The following SV2B variants were observed in gnomAD, a reference collection of about 807,000 sequenced individuals.
SV2B encodes synaptic vesicle glycoprotein 2B.
In SV2B, 41 loss-of-function variants were observed where a neutral mutation model predicts 73.9. The ratio of observed to expected loss-of-function variants is 0.56; its 90% confidence interval spans 0.43 to 0.72. The LOEUF (loss-of-function observed/expected upper bound fraction) is 0.72. Ranked by LOEUF, SV2B falls within the 30% of genes least tolerant of loss-of-function variation. The probability of loss-of-function intolerance (pLI) is 0.00; values close to 1 mark genes in which losing one functional copy is unlikely to be tolerated. For synonymous variants in SV2B, 314 were observed against 314.2 expected, an observed-to-expected ratio of 1.00 and a Z score of 0.01; for missense variants, 764 against 857.8, an observed-to-expected ratio of 0.89 and a Z score of 1.37.
intron 4 of SV2B, among the ~76,000 whole-genome samples, chr15:91,254,178 T>TCA (rs1454477402): frequency 6.6e-6 from 1 of 152,102 alleles, no homozygotes; most frequent in Non-Finnish European, 1.5e-5. Flanking sequence ...TGATATAATA[T>TCA]CATTTTCTCT....
intron 1 of SV2B, among the ~76,000 whole-genome samples, chr15:91,120,361 C>G (rs546635826): frequency 6.6e-6 from 1 of 152,154 alleles, no homozygotes; most frequent in Non-Finnish European, 1.5e-5. Context: ...CACTCACTAT[C>G]GTGAAAACAG....
chr15:91,291,625 TAAG>T (rs1333804744), intron 12 of SV2B, among the ~76,000 whole-genome samples: 12 of 152,344 alleles, frequency 7.9e-5, no homozygotes, highest in African/African-American at 2.4e-4. Context: ...ACTGTGGTCT[TAAG>T]AAGGTTAAGC....
rs2047550404 is a variant in SV2B, at chr15:91,252,993, C to T, written c.784+473C>T. Among the ~76,000 whole-genome samples, 1 of 152,138 alleles carries T rather than the reference C, an allele frequency of 6.6e-6. No homozygotes were observed. The highest frequency in any genetic ancestry group is 1.5e-5 in the Non-Finnish European group (1 of 68,026). Reference sequence around the variant, plus strand: ...CTGATGTCCCCTCAGGTGCAGTAGGCTTGTACTCTTTCTGCCCTGGTGCCT... The same window carrying T: ...CTGATGTCCCCTCAGGTGCAGTAGGTTTGTACTCTTTCTGCCCTGGTGCCT... On this transcript the variant is annotated intron_variant, in intron 4 of 12. Transcript: ENST00000394232. This position sits in a 1 kb window ranked among gnomAD's most constrained non-coding sequence, Gnocchi z 4.6.
Position 91,258,287 on chromosome 15 carries a change from G to A in SV2B, c.785-134G>A. 1 of 1,233,398 alleles carries A rather than the reference G, an allele frequency of 8.1e-7. No individual in the cohort carries two copies. The highest frequency in any genetic ancestry group is 1.7e-5 in the South Asian group (1 of 59,308). 76.4% of individuals were successfully genotyped at this position (1,233,398 alleles called of 1,614,324 possible). ...CAGAAGCTTCGGAGGCACAGCTGAG[G>A]AGTCTGCATTTTAACCACCTCCCCG... is the stretch of plus-strand genomic sequence containing the variant. On this transcript the variant is annotated intron_variant, in intron 4 of 12. Coordinates refer to ENST00000394232, the MANE Select transcript of SV2B (RefSeq NM_001323032.3). The surrounding 1 kb of genome is among the most constrained non-coding windows in gnomAD (Gnocchi z 4.7).
At position 91,145,862 on chromosome 15, in the gene SV2B, C is replaced by G. The variant is rs542685334; in HGVS notation, c.-392+45499C>G. On this transcript the variant is annotated intron_variant, in intron 1 of 12. Transcript: ENST00000394232. Reference sequence around the variant, plus strand: ...GTTTTTTTCTTATAAATTTAAGTTCCTTATAGATGCTGGATATTAGACCTT... The same window carrying G: ...GTTTTTTTCTTATAAATTTAAGTTCGTTATAGATGCTGGATATTAGACCTT... 2.0e-4 allele frequency among the ~76,000 whole-genome samples: 30 copies of G among 152,114 alleles called. 1 individual carries two copies. The South Asian group carries it at 6.2e-3, about 32-fold the overall frequency.
intron 1 of SV2B, among the ~76,000 whole-genome samples, chr15:91,175,177 A>G (rs1198898378): frequency 6.6e-6 from 1 of 152,244 alleles, no homozygotes; most frequent in Non-Finnish European, 1.5e-5. Context: ...CTAATAAAAA[A>G]ATGAAAATTT....
chr15:91,140,803 A>T lies in SV2B; in HGVS notation c.-392+40440A>T, dbSNP rs1305099156. Among the ~76,000 whole-genome samples the T allele has an allele frequency of 6.6e-6, 1 of 151,930 alleles. No individual in the cohort carries two copies. The highest frequency in any genetic ancestry group is 1.9e-4 in the East Asian group (1 of 5,188). On this transcript the variant is annotated intron_variant, in intron 1 of 12. Transcript: ENST00000394232. The surrounding 1 kb of genome is among the most constrained non-coding windows in gnomAD (Gnocchi z 4.4). Reference sequence around the variant, plus strand: ...TGGCATGGCTCAGTGGCTGTTTATCACCTCTGTATTAAGGACAATAGGATG... The same window carrying T: ...TGGCATGGCTCAGTGGCTGTTTATCTCCTCTGTATTAAGGACAATAGGATG...
At chr15:91,167,274 G>A (rs1250320729) in intron 1 of SV2B, among the ~76,000 whole-genome samples, 1 of 152,086 alleles carries the variant, frequency 6.6e-6, no homozygotes, top group Non-Finnish European at 1.5e-5. Flanking sequence ...TTTCCCTTGA[G>A]AGCTAATTAT....
intron 1 of SV2B, among the ~76,000 whole-genome samples, chr15:91,142,471 T>C (rs1050250317): frequency 3.3e-5 from 5 of 152,198 alleles, no homozygotes; most frequent in African/African-American, 7.2e-5. Context: ...GCTGAGGAAA[T>C]ACAGGAATGC....
intron 1 of SV2B, among the ~76,000 whole-genome samples, chr15:91,151,899 C>T (rs895731048): frequency 6.6e-6 from 1 of 152,052 alleles, no homozygotes; most frequent in African/African-American, 2.4e-5. Flanking sequence ...CAAGGCTTTT[C>T]AGGATGCAAG....
At chr15:91,170,469 A>G (rs1013293895) in intron 1 of SV2B, among the ~76,000 whole-genome samples, 4 of 152,002 alleles carry the variant, frequency 2.6e-5, no homozygotes, top group African/African-American at 4.8e-5. Flanking sequence ...TGTATTTTTA[A>G]TAGAGACAGA....
rs79995455 is a variant in SV2B at position 91,227,556 on chromosome 15, A to G, written c.451+842A>G. Among the ~76,000 whole-genome samples the G allele has an allele frequency of 4.9e-4, 74 of 152,322 alleles. 1 individual carries two copies. The East Asian group carries it at 0.013, about 26-fold the overall frequency. On this transcript the variant is annotated intron_variant, in intron 2 of 12. Coordinates refer to ENST00000394232, the MANE Select transcript of SV2B (RefSeq NM_001323032.3). This position sits in a 1 kb window ranked among gnomAD's most constrained non-coding sequence, Gnocchi z 4.5. ...GTGCAGCAAACATGTAGTTATGAGA[A>G]CTAACTATAAGTCAAATTCTCATTC...
At chr15:91,179,701 G>C (rs2141309039) in intron 1 of SV2B, among the ~76,000 whole-genome samples, 1 of 152,262 alleles carries the variant, frequency 6.6e-6, no homozygotes, top group Non-Finnish European at 1.5e-5. Context: ...TTTTATCAGA[G>C]ACTAAGATTG....
chr15:91,206,724 A>G (rs2045654487), intron 1 of SV2B, among the ~76,000 whole-genome samples: 1 of 152,194 alleles, frequency 6.6e-6, no homozygotes, highest in Non-Finnish European at 1.5e-5. Flanking sequence ...GTATACTCAT[A>G]GGATATAAAT....
intron 1 of SV2B, among the ~76,000 whole-genome samples, chr15:91,204,749 A>C (rs1409878671): frequency 6.6e-6 from 1 of 151,784 alleles, no homozygotes; most frequent in Non-Finnish European, 1.5e-5. Flanking sequence ...GTAGAGATGA[A>C]GTCTTGCTAT....
At chr15:91,183,669 G>A (rs1418372510) in intron 1 of SV2B, among the ~76,000 whole-genome samples, 2 of 152,124 alleles carry the variant, frequency 1.3e-5, no homozygotes, top group African/African-American at 4.8e-5. Flanking sequence ...CAGTCATTTT[G>A]CGATGTATTT....
Position 91,139,292 on chromosome 15 carries a change from A to G in SV2B, c.-392+38929A>G, listed in dbSNP as rs2042933108. Among the ~76,000 whole-genome samples, 1 of 152,168 alleles carries G rather than the reference A, an allele frequency of 6.6e-6. No homozygotes were observed. Among genetic ancestry groups the G allele is most frequent in the African/African-American group, 2.4e-5 (1 of 41,434 alleles). On this transcript the variant is annotated intron_variant, in intron 1 of 12. Coordinates refer to ENST00000394232, the MANE Select transcript of SV2B (RefSeq NM_001323032.3). This position sits in a 1 kb window ranked among gnomAD's most constrained non-coding sequence, Gnocchi z 5.2. ...TTAGCTGGTGGGTACATGGTAGTTCATTAAATTATTCTCTCTACTTTTGAA... is the reference window on the plus strand; with the variant it reads ...TTAGCTGGTGGGTACATGGTAGTTCGTTAAATTATTCTCTCTACTTTTGAA...
In SV2B at chr15:91,124,912, C is replaced by T. The variant is rs1452061240; in HGVS notation, c.-392+24549C>T. Among the ~76,000 whole-genome samples the T allele has an allele frequency of 6.6e-6, 1 of 152,172 alleles. No homozygotes were observed. The highest frequency in any genetic ancestry group is 2.4e-5 in the African/African-American group (1 of 41,444). ...CAAGTGATCCACCCGCCTCGGCCTC[C>T]CAAAGTGCTGATATTACAGGTGTGA... On this transcript the variant is annotated intron_variant, in intron 1 of 12. Coordinates refer to ENST00000394232, the MANE Select transcript of SV2B (RefSeq NM_001323032.3). This position sits in a 1 kb window ranked among gnomAD's most constrained non-coding sequence, Gnocchi z 4.6.
At chr15:91,102,174 T>C (rs1319466249) in intron 1 of SV2B, 4 of 152,180 alleles carry the variant, frequency 2.6e-5, no homozygotes, top group African/African-American at 9.7e-5. Flanking sequence ...AAAGCTGTGA[T>C]GGGTGACGAA....
Sources: allele counts gnomAD v4.1 joint callset (sites outside exome capture counted in the v4.1 genomes callset), GRCh38; gene constraint gnomAD v4.1.1; non-coding constraint Gnocchi (gnomAD v3.1); transcripts MANE v1.5; gene names NCBI Gene and HGNC (gene_info 2026-07-23, HGNC 2026-07-21).